LMO7: variants seen among roughly 807,000 people sequenced by gnomAD.
The protein encoded by LMO7 is LIM domain 7.
In LMO7, 120 loss-of-function variants were observed where a neutral mutation model predicts 206.5. The observed-to-expected ratio is 0.58, with a 90% CI of 0.50 to 0.68. The LOEUF is 0.68. Ranked by LOEUF, LMO7 falls within the 30% of genes least tolerant of loss-of-function variation. The probability of loss-of-function intolerance (pLI) is 0.00; values close to 1 mark genes in which losing one functional copy is unlikely to be tolerated. For synonymous variants in LMO7, 706 were observed against 681.5 expected (o/e 1.04, Z -0.56); for missense variants, 1,959 against 1,957.9 (o/e 1.00, Z -0.01).
chr13:75,819,264 A>T, intron 12 of LMO7, 129 bp from the exon 13 acceptor site: 1 of 1,138,422 alleles, frequency 8.8e-7, no homozygotes, highest in Non-Finnish European at 1.2e-6. Context: ...AAGCAAAATT[A>T]GGGCACCTTG....
At chr13:75,707,310 T>C (rs1038317142) in intron 1 of LMO7, among the ~76,000 whole-genome samples, 6 of 152,190 alleles carry the variant, frequency 3.9e-5, no homozygotes, top group African/African-American at 1.4e-4. Context: ...AAATTGGGAT[T>C]ATACTCCCAA....
At chr13:75,798,552 G>A (rs2054317634) in intron 6 of LMO7, among the ~76,000 whole-genome samples, 1 of 152,198 alleles carries the variant, frequency 6.6e-6, no homozygotes, top group Admixed American at 6.5e-5. Flanking sequence ...ACCTTATGGT[G>A]TATAAAACTA....
chr13:75,694,323 T>C (rs1233838652), intron 1 of LMO7, among the ~76,000 whole-genome samples: 1 of 152,176 alleles, frequency 6.6e-6, no homozygotes, highest in Non-Finnish European at 1.5e-5. Flanking sequence ...CTCTGGGTTC[T>C]TTTGTCTAGG....
At chr13:75,631,359 A>G (rs1210453220), upstream of LMO7, 1 of 152,158 alleles carries the variant, frequency 6.6e-6, no homozygotes, top group African/African-American at 2.4e-5. Context: ...ATATCTCACT[A>G]TGGAGGAACC....
At chr13:75,759,095 G>A (rs1271195009) in intron 3 of LMO7, among the ~76,000 whole-genome samples, 2 of 152,138 alleles carry the variant, frequency 1.3e-5, no homozygotes, top group African/African-American at 2.4e-5. Flanking sequence ...GAGAGAGAGC[G>A]AAGGGGGAAG....
upstream of LMO7, chr13:75,636,222 A>C: frequency 1.3e-6 from 1 of 799,960 alleles, no homozygotes; most frequent in Non-Finnish European, 1.4e-6. Flanking sequence ...GAGCCAAGGG[A>C]GGGGCAGACG....
chr13:75,769,704 G>A (rs917501068), intron 4 of LMO7, among the ~76,000 whole-genome samples: 3 of 152,090 alleles, frequency 2.0e-5, no homozygotes, highest in African/African-American at 4.8e-5. Flanking sequence ...AGCTGTGTTT[G>A]TATTAACCAC....
At chr13:75,666,318 G>T (rs1219095285) in intron 1 of LMO7, among the ~76,000 whole-genome samples, 1 of 152,146 alleles carries the variant, frequency 6.6e-6, no homozygotes, top group East Asian at 1.9e-4. Context: ...TGGCATAAAT[G>T]GATTAATTTG....
At chr13:75,796,855 C>A in intron 6 of LMO7, 106 bp downstream of exon 6, 1 of 707,896 alleles carries the variant, frequency 1.4e-6, no homozygotes, top group Non-Finnish European at 2.5e-6. Context: ...ACAAATATGG[C>A]AACTCCGACT....
chr13:75,817,310 T>G (rs761705880), intron 12 of LMO7, 32 bp downstream of exon 12: 1 of 1,358,632 alleles, frequency 7.4e-7, no homozygotes, highest in Non-Finnish European at 1.0e-6. Context: ...GGGGAGAGAG[T>G]GTATTTGTCT....
intron 4 of LMO7, among the ~76,000 whole-genome samples, chr13:75,772,624 C>T (rs947367398): frequency 2.0e-5 from 3 of 151,982 alleles, no homozygotes; most frequent in Admixed American, 1.3e-4. Flanking sequence ...TTCTGTTTCT[C>T]TTATAAAATT....
chr13:75,667,662 T>G (rs1566290986), intron 1 of LMO7, among the ~76,000 whole-genome samples: 3 of 152,220 alleles, frequency 2.0e-5, no homozygotes, highest in Admixed American at 2.0e-4. Context: ...TTCATTATTA[T>G]CATGAGCATA....
At chr13:75,698,407 A>G (rs946219905) in intron 1 of LMO7, among the ~76,000 whole-genome samples, 2 of 152,056 alleles carry the variant, frequency 1.3e-5, no homozygotes, top group Non-Finnish European at 2.9e-5. Flanking sequence ...GATTCAAGGA[A>G]TCCTCCTGAG....
chr13:75,795,297 T>C (rs1383752669), intron 4 of LMO7, 104 bp from the exon 5 acceptor site: 22 of 750,050 alleles, frequency 2.9e-5, no homozygotes, highest in Non-Finnish European at 4.7e-5. Context: ...CCATGTGATA[T>C]TAATATTCAT....
At chr13:75,840,052 A>G in intron 20 of LMO7, 33 bp from the exon 21 acceptor site, 1 of 1,608,108 alleles carries the variant, frequency 6.2e-7, no homozygotes, top group Middle Eastern at 1.7e-4. Context: ...TATATTGTAT[A>G]TTTTTCTTCC....
intron 2 of LMO7, among the ~76,000 whole-genome samples, chr13:75,721,070 A>G (rs2043981389): frequency 6.6e-6 from 1 of 152,182 alleles, no homozygotes; most frequent in Admixed American, 6.5e-5. Flanking sequence ...TAACCAGTCC[A>G]AGTTAATGTA....
Position 75,836,474 on chromosome 13 carries a change from T to G in LMO7, c.3394+17T>G. The G allele has an allele frequency of 1.6e-6, 2 of 1,263,690 alleles. No individual in the cohort carries two copies. The highest frequency in any genetic ancestry group is 2.2e-6 in the Non-Finnish European group (2 of 893,882). The allele number at this position is 1,263,690 out of a possible 1,614,324, so 78.3% of individuals were successfully genotyped here. Reference sequence around the variant, plus strand: ...AATCAAAAGGTAAATATCACCTTTATAACTTACATTTATAATACAGGAAAA... The same window carrying G: ...AATCAAAAGGTAAATATCACCTTTAGAACTTACATTTATAATACAGGAAAA... On this transcript the variant is annotated intron_variant, in intron 19 of 30. Transcript: ENST00000377534.
intron 1 of LMO7, among the ~76,000 whole-genome samples, chr13:75,700,400 A>T (rs1383667677): frequency 6.6e-6 from 1 of 152,232 alleles, no homozygotes; most frequent in African/African-American, 2.4e-5. Context: ...ATTCATTTGG[A>T]GAACTAATAA....
chr13:75,730,936 G>A (rs1253186024), intron 3 of LMO7, among the ~76,000 whole-genome samples: 1 of 150,140 alleles, frequency 6.7e-6, no homozygotes, highest in African/African-American at 2.5e-5. Context: ...TAGTTGAGCG[G>A]TTTTGAGTGA....
Sources: gnomAD v4.1 joint callset for allele counts (sites outside exome capture counted in the v4.1 genomes callset) on GRCh38, gnomAD v4.1.1 for gene constraint, MANE v1.5 for transcripts, NCBI Gene and HGNC (gene_info 2026-07-23, HGNC 2026-07-21) for gene names.